The following TEX11 variants were observed in gnomAD, a reference collection of about 807,000 sequenced individuals.
The protein encoded by TEX11 is testis expressed 11, also known as testis-expressed protein 11.
In TEX11, 7 loss-of-function variants were observed where a neutral mutation model predicts 84.4. That is an observed-to-expected ratio of 0.08 (90% CI 0.05 to 0.16). The LOEUF is 0.16. Ranked by LOEUF, TEX11 falls within the 10% of genes least tolerant of loss-of-function variation. The pLI is 1.00. For missense variants in TEX11, 551 were observed against 660.5 expected, an observed-to-expected ratio of 0.83 and a Z score of 1.82; for synonymous variants, 264 against 222.8, an observed-to-expected ratio of 1.18 and a Z score of -1.64.
chrX:70,808,675 CCATAAATAGAT>C (rs2091235041), intron 8 of TEX11, among the ~76,000 whole-genome samples: 2 of 108,734 alleles, frequency 1.8e-5, no homozygotes, highest in Admixed American at 1.0e-4. Context: ...TTAATGTACC[CCATAAATAGAT>C]ACATCTATCA....
intron 1 of TEX11, among the ~76,000 whole-genome samples, chrX:70,908,402 C>T (rs1270187054): frequency 1.8e-5 from 2 of 111,339 alleles, no homozygotes; most frequent in African/African-American, 6.5e-5. Context: ...ACTACAGTAA[C>T]TACTATCTCC....
intron 11 of TEX11, among the ~76,000 whole-genome samples, chrX:70,740,312 C>T (rs1458087274): frequency 9.0e-6 from 1 of 111,282 alleles, no homozygotes; most frequent in Non-Finnish European, 1.9e-5. Flanking sequence ...AAAGACAGTG[C>T]CTTCTCATGT....
chrX:70,545,483 G>C (rs1254946293), intron 28 of TEX11, among the ~76,000 whole-genome samples: 1 of 111,384 alleles, frequency 9.0e-6, no homozygotes, highest in Non-Finnish European at 1.9e-5. Flanking sequence ...AAGGCTTCTT[G>C]GGCAAAACAT....
At position 70,600,762 on chromosome X, in the gene TEX11, T is replaced by A. The variant is rs768332389; in HGVS notation, c.2067+4639A>T. Among the ~76,000 whole-genome samples the A allele has an allele frequency of 2.5e-3, 217 of 87,417 alleles. 2 individuals are homozygous for A. The highest frequency in any genetic ancestry group is 8.5e-3 in the African/African-American group (203 of 23,759). 75.9% of individuals were successfully genotyped at this position (87,417 alleles called of 115,157 possible). ...GGAAACTGAACAACCTGCTCCTGAATGACTACTAGGTACATAACGAAATGA... is the reference window on the plus strand; with the variant it reads ...GGAAACTGAACAACCTGCTCCTGAAAGACTACTAGGTACATAACGAAATGA... On this transcript the variant is annotated intron_variant, in intron 24 of 29. Coordinates refer to ENST00000374333, the MANE Select transcript of TEX11 (RefSeq NM_031276.3).
At chrX:70,577,352 G>A (rs182514330) in intron 25 of TEX11, among the ~76,000 whole-genome samples, 7 of 111,613 alleles carry the variant, frequency 6.3e-5, no homozygotes, top group Non-Finnish European at 1.3e-4. Flanking sequence ...AAACATATCA[G>A]CATAAATTCA....
chrX:70,778,641 T>C (rs747524445), intron 9 of TEX11, among the ~76,000 whole-genome samples: 8 of 108,384 alleles, frequency 7.4e-5, no homozygotes, highest in Non-Finnish European at 1.5e-4. Flanking sequence ...GTTTGTTTGT[T>C]TGTTTTTGTT....
intron 9 of TEX11, among the ~76,000 whole-genome samples, chrX:70,794,714 A>C (rs4844265): frequency 0.25 from 27,251 of 109,139 alleles, 4,219 homozygotes; most frequent in African/African-American, 0.53. Context: ...TCTAGACACA[A>C]CCAGGGCCAG....
chrX:70,649,765 C>A (rs1033795560), intron 17 of TEX11, among the ~76,000 whole-genome samples: 2 of 110,952 alleles, frequency 1.8e-5, no homozygotes, highest in Non-Finnish European at 3.8e-5. Flanking sequence ...CAGAGCAAGA[C>A]CCCATCTCAA....
chrX:70,579,530 A>AACAAAAAAAAAAAAAAAAAAAAAC (rs200061879), intron 25 of TEX11, among the ~76,000 whole-genome samples: 1 of 103,139 alleles, frequency 9.7e-6, no homozygotes, highest in Non-Finnish European at 2.0e-5. Flanking sequence ...AAAAAAAAAA[A>AACAAAAAAAAAAAAAAAAAAAAAC]AAAACAAAAA....
At chrX:70,829,481 CAAAAAAAAAAA>C (rs60664977) in intron 8 of TEX11, among the ~76,000 whole-genome samples, 3 of 72,878 alleles carry the variant, frequency 4.1e-5, no homozygotes, top group Non-Finnish European at 2.4e-5. Context: ...CATTCCGTCT[CAAAAAAAAAAA>C]AAAAAAAAAA....
At chrX:70,599,893 C>A (rs748862439) in intron 24 of TEX11, among the ~76,000 whole-genome samples, 1 of 107,779 alleles carries the variant, frequency 9.3e-6, no homozygotes, top group South Asian at 4.3e-4. Context: ...TGTATATGTG[C>A]CACATTTTCT....
At chrX:70,554,059 A>G (rs1000186354) in intron 26 of TEX11, among the ~76,000 whole-genome samples, 1 of 111,561 alleles carries the variant, frequency 9.0e-6, no homozygotes, top group Non-Finnish European at 1.9e-5. Context: ...TTTATTAACC[A>G]CACACATGCT....
At chrX:70,755,763 C>T (rs955189820) in intron 9 of TEX11, among the ~76,000 whole-genome samples, 8 of 112,227 alleles carry the variant, frequency 7.1e-5, no homozygotes, top group East Asian at 2.8e-4. Context: ...ATGCAGCCCA[C>T]GGAGGGCGAA....
At chrX:70,870,336 AT>A (rs991227294) in intron 4 of TEX11, among the ~76,000 whole-genome samples, 6 of 109,423 alleles carry the variant, frequency 5.5e-5, no homozygotes, top group Admixed American at 9.9e-5. Flanking sequence ...ATCCTGTAGA[AT>A]TTTTTTTTGT....
chrX:70,845,238 T>C (rs2091472516), intron 7 of TEX11, among the ~76,000 whole-genome samples: 1 of 110,893 alleles, frequency 9.0e-6, no homozygotes, highest in African/African-American at 3.3e-5. Context: ...CTCTGCTCAC[T>C]GCAACCTCTG....
intron 16 of TEX11, among the ~76,000 whole-genome samples, chrX:70,655,297 G>A (rs899089010): frequency 9.0e-6 from 1 of 110,940 alleles, no homozygotes; most frequent in South Asian, 3.8e-4. Flanking sequence ...GGTGGTCTCC[G>A]TCTTATGATT....
chrX:70,777,170 G>A (rs1349266344), intron 9 of TEX11, among the ~76,000 whole-genome samples: 2 of 108,429 alleles, frequency 1.8e-5, no homozygotes, highest in Non-Finnish European at 3.8e-5. Flanking sequence ...GAGCCACCAT[G>A]CCCAGCTTAT....
chrX:70,892,050 C>G (rs1458243857), intron 2 of TEX11, among the ~76,000 whole-genome samples: 1 of 111,647 alleles, frequency 9.0e-6, no homozygotes, highest in Non-Finnish European at 1.9e-5. Flanking sequence ...AGAAACCCTA[C>G]AAGCCAGAAG....
At chrX:70,686,670 T>C (rs1014129853) in intron 13 of TEX11, among the ~76,000 whole-genome samples, 3 of 103,875 alleles carry the variant, frequency 2.9e-5, no homozygotes, top group Admixed American at 1.1e-4. Flanking sequence ...ACCTGCACGT[T>C]CTGCACATGT....
Sources: gnomAD v4.1 joint callset for allele counts (sites outside exome capture counted in the v4.1 genomes callset) on GRCh38, gnomAD v4.1.1 for gene constraint, MANE v1.5 for transcripts, NCBI Gene and HGNC (gene_info 2026-07-23, HGNC 2026-07-21) for gene names.